Variants in ATXN8OS observed in about 807,000 individuals in gnomAD.
ATXN8OS encodes the protein ATXN8 opposite strand lncRNA, also known as ATXN8 opposite strand (non-protein coding).
chr13:70,141,284 A>G (rs1450005710), intron 3 of ATXN8OS, among the ~76,000 whole-genome samples: 1 of 152,154 alleles, frequency 6.6e-6, no homozygotes. Flanking sequence ...TAAATATTAA[A>G]TCTATAGTGT....
At chr13:70,123,252 G>C (rs914695548) in intron 2 of ATXN8OS, among the ~76,000 whole-genome samples, 2 of 152,020 alleles carry the variant, frequency 1.3e-5, no homozygotes, top group African/African-American at 4.8e-5. Flanking sequence ...AATTGAAGTT[G>C]ATGTCAAGGA....
intron 4 of ATXN8OS, among the ~76,000 whole-genome samples, chr13:70,163,641 TA>T (rs1489003273): frequency 2.0e-5 from 3 of 152,012 alleles, no homozygotes; most frequent in African/African-American, 7.2e-5. Context: ...TGGAGTTGCT[TA>T]AAAAGTCATT....
chr13:70,170,415 A>G (rs1889132081), exon 5 of ATXN8OS, among the ~76,000 whole-genome samples: 1 of 152,174 alleles, frequency 6.6e-6, no homozygotes, highest in African/African-American at 2.4e-5. Context: ...TCTAAGGCAG[A>G]ATTAAGAATT....
At chr13:70,128,343 C>T (rs1384116175) in intron 2 of ATXN8OS, among the ~76,000 whole-genome samples, 1 of 152,164 alleles carries the variant, frequency 6.6e-6, no homozygotes, top group Non-Finnish European at 1.5e-5. Flanking sequence ...TTCATACCCA[C>T]TGTTCTTTCT....
chr13:70,116,607 G>A (rs1374705560), intron 2 of ATXN8OS, among the ~76,000 whole-genome samples: 1 of 152,148 alleles, frequency 6.6e-6, no homozygotes, highest in Non-Finnish European at 1.5e-5. Flanking sequence ...TTAAGCCAGT[G>A]CACAAATATT....
chr13:70,131,995 A>G (rs553402532), intron 3 of ATXN8OS, among the ~76,000 whole-genome samples: 154 of 152,316 alleles, frequency 1.0e-3, no homozygotes, highest in African/African-American at 3.7e-3. Context: ...TGTTCCAAAT[A>G]GATAACAAGG....
chr13:70,124,548 C>T (rs543377136), intron 2 of ATXN8OS, among the ~76,000 whole-genome samples: 2 of 152,102 alleles, frequency 1.3e-5, no homozygotes, highest in African/African-American at 4.8e-5. Flanking sequence ...AAGACTTTAG[C>T]CATGTGTTTG....
rs150211803 is a variant in ATXN8OS, at chr13:70,168,923, A to T, written n.574-830A>T. ...GTTCTTTTGTATGTTTTTGCATTAT[A>T]GTTTCAATTACATTGACTATCACAT... On this transcript the variant is annotated intron_variant and non_coding_transcript_variant, in intron 4 of 4. Coordinates refer to ENST00000678624, the Ensembl canonical transcript of ATXN8OS. Among the ~76,000 whole-genome samples the T allele has an allele frequency of 1.6e-3, 245 of 152,234 alleles. 3 individuals carry two copies. Among genetic ancestry groups the T allele is most frequent in the Non-Finnish European group, 3.0e-3 (201 of 67,994 alleles).
upstream of ATXN8OS, chr13:70,107,509 C>A (rs1280206076): frequency 4.3e-6 from 7 of 1,611,478 alleles, no homozygotes; most frequent in Non-Finnish European, 5.1e-6. Context: ...AGTGCTCACA[C>A]CGCTTCTCTC....
chr13:70,145,480 T>C lies in ATXN8OS; in HGVS notation n.500-1875T>C, dbSNP rs369487082. On this transcript the variant is annotated intron_variant and non_coding_transcript_variant, in intron 3 of 4. Transcript: ENST00000678624. The stretch of plus-strand genomic sequence containing the variant: ...TCACGATATTGATTCTTCCTACCCA[T>C]GAGCATGGAATGTTCTTCCATTTGT... Among the ~76,000 whole-genome samples, 111 of 152,126 alleles carry C rather than the reference T, an allele frequency of 7.3e-4. 1 individual carries two copies. The East Asian group carries it at 0.021, about 28-fold the overall frequency.
intron 2 of ATXN8OS, among the ~76,000 whole-genome samples, chr13:70,125,425 C>G (rs917064763): frequency 6.6e-6 from 1 of 152,030 alleles, no homozygotes; most frequent in African/African-American, 2.4e-5. Flanking sequence ...AGGTAAACGC[C>G]ATACCATAAT....
At chr13:70,141,827 T>C (rs990025902) in intron 3 of ATXN8OS, among the ~76,000 whole-genome samples, 3 of 152,032 alleles carry the variant, frequency 2.0e-5, no homozygotes, top group Non-Finnish European at 4.4e-5. Context: ...AGAAGGTCAG[T>C]ATGATAAAAC....
At chr13:70,160,192 C>A (rs1888987572) in intron 4 of ATXN8OS, among the ~76,000 whole-genome samples, 2 of 151,816 alleles carry the variant, frequency 1.3e-5, no homozygotes, top group African/African-American at 4.8e-5. Context: ...AGTCTGTTGA[C>A]TTATTGGATT....
chr13:70,130,949 A>G, intron 3 of ATXN8OS: 1 of 398,498 alleles, frequency 2.5e-6, no homozygotes, highest in Non-Finnish European at 4.4e-6. Context: ...AAGGAAGATG[A>G]CGTATTTTAA....
chr13:70,134,617 A>G (rs142343141), intron 3 of ATXN8OS, among the ~76,000 whole-genome samples: 2 of 152,314 alleles, frequency 1.3e-5, no homozygotes, highest in East Asian at 3.9e-4. Context: ...GCAACTTCCT[A>G]TGGCAATTGC....
chr13:70,124,442 C>T (rs1288174810), intron 2 of ATXN8OS, among the ~76,000 whole-genome samples: 2 of 152,052 alleles, frequency 1.3e-5, no homozygotes, highest in Non-Finnish European at 2.9e-5. Context: ...GAAAGCCTCT[C>T]TGATAAGATG....
chr13:70,109,213 A>T (rs1157333557), intron 1 of ATXN8OS, among the ~76,000 whole-genome samples: 5 of 152,212 alleles, frequency 3.3e-5, no homozygotes, highest in Non-Finnish European at 7.3e-5. Context: ...TTTTCCCCTT[A>T]TATCTATACT....
At chr13:70,150,282 G>A (rs1707426765) in intron 4 of ATXN8OS, among the ~76,000 whole-genome samples, 1 of 152,090 alleles carries the variant, frequency 6.6e-6, no homozygotes, top group African/African-American at 2.4e-5. Flanking sequence ...AATATCAAGA[G>A]TGGAGATTGT....
At chr13:70,112,164 G>T (rs976284664) in intron 1 of ATXN8OS, among the ~76,000 whole-genome samples, 2 of 152,124 alleles carry the variant, frequency 1.3e-5, no homozygotes, top group African/African-American at 4.8e-5. Context: ...CAAATAACCA[G>T]ATCTCATGAG....
Sources: allele counts gnomAD v4.1 joint callset (sites outside exome capture counted in the v4.1 genomes callset), GRCh38; gene constraint gnomAD v4.1.1; transcripts MANE v1.5; gene names NCBI Gene and HGNC (gene_info 2026-07-23, HGNC 2026-07-21).